Variants in SNCAIP observed in about 807,000 individuals in gnomAD.
The protein encoded by SNCAIP is synphilin-1.
Under a neutral mutation model 86.7 loss-of-function variants are expected in SNCAIP, and 43 were observed. The ratio of observed to expected loss-of-function variants is 0.50; its 90% CI spans 0.39 to 0.64. The LOEUF (loss-of-function observed/expected upper bound fraction) is 0.64. SNCAIP is among the 30% of genes least tolerant of loss of function. The probability of loss-of-function intolerance (pLI) is 0.00; values close to 1 mark genes in which losing one functional copy is unlikely to be tolerated. For synonymous variants in SNCAIP, 417 were observed against 427.2 expected, an observed-to-expected ratio of 0.98 and a Z score of 0.29; for missense variants, 981 against 1,103.1, an observed-to-expected ratio of 0.89 and a Z score of 1.57.
chr5:122,351,373 C>G (rs767405791), intron 1 of SNCAIP, among the ~76,000 whole-genome samples: 1 of 151,546 alleles, frequency 6.6e-6, no homozygotes, highest in Non-Finnish European at 1.5e-5. Flanking sequence ...ACCATCTCTA[C>G]TAAAAATACA....
intron 1 of SNCAIP, among the ~76,000 whole-genome samples, chr5:122,383,233 T>A (rs543728324): frequency 6.6e-6 from 1 of 152,364 alleles, no homozygotes; most frequent in South Asian, 2.1e-4. Flanking sequence ...GTGCGGGATA[T>A]AATCTCGTGA....
intron 3 of SNCAIP, 143 bp from the exon 4 acceptor site, chr5:122,422,725 T>C: frequency 1.5e-6 from 1 of 651,984 alleles, no homozygotes; most frequent in Non-Finnish European, 2.7e-6. Context: ...ATTTTTTTTG[T>C]TCTATTGATG....
At chr5:122,329,014 G>T (rs1264359422) in intron 1 of SNCAIP, among the ~76,000 whole-genome samples, 1 of 152,060 alleles carries the variant, frequency 6.6e-6, no homozygotes, top group East Asian at 1.9e-4. Context: ...TTCCACAATT[G>T]TATGGTGATA....
At chr5:122,447,698 A>G (rs1043149540) in intron 8 of SNCAIP, among the ~76,000 whole-genome samples, 3 of 152,232 alleles carry the variant, frequency 2.0e-5, no homozygotes, top group Non-Finnish European at 4.4e-5. Context: ...TTAGACCAGA[A>G]TCAGCAAATT....
chr5:122,457,937 T>A (rs978791718), intron 10 of SNCAIP, among the ~76,000 whole-genome samples: 4 of 152,174 alleles, frequency 2.6e-5, no homozygotes, highest in African/African-American at 9.7e-5. Context: ...GAAGCCAGAA[T>A]GATCACATCT....
chr5:122,449,015 C>CAA (rs1218805948), intron 8 of SNCAIP, among the ~76,000 whole-genome samples: 4 of 140,528 alleles, frequency 2.8e-5, no homozygotes, highest in Non-Finnish European at 6.2e-5. Context: ...GACTCCGACT[C>CAA]AAAAAAAAAA....
chr5:122,382,236 C>T (rs1209703559), intron 1 of SNCAIP, among the ~76,000 whole-genome samples: 1 of 152,072 alleles, frequency 6.6e-6, no homozygotes, highest in Non-Finnish European at 1.5e-5. Context: ...AGGCTTTGCT[C>T]ATTTCTTTTT....
intron 2 of SNCAIP, among the ~76,000 whole-genome samples, chr5:122,394,152 G>C (rs1461496214): frequency 6.6e-6 from 1 of 151,678 alleles, no homozygotes; most frequent in African/African-American, 2.4e-5. Context: ...TCCTGGTTAA[G>C]TGGCAGGAGG....
chr5:122,448,557 T>TTA (rs774376648), intron 8 of SNCAIP, among the ~76,000 whole-genome samples: 17 of 144,394 alleles, frequency 1.2e-4, no homozygotes, highest in East Asian at 7.9e-4. Flanking sequence ...TCCATATTTT[T>TTA]TATATATATA....
In SNCAIP at chr5:122,368,975, G is replaced by A. The variant is rs114175096; in HGVS notation, c.-46-22114G>A. ...AAAATGCACATATCAGTTTGCTCCCGGCCAGCGAACTAATCAGTTCCAAGC... is the reference window on the plus strand; with the variant it reads ...AAAATGCACATATCAGTTTGCTCCCAGCCAGCGAACTAATCAGTTCCAAGC... On this transcript the variant is annotated intron_variant, in intron 1 of 10. Transcript: ENST00000261368. Among the ~76,000 whole-genome samples, 1,351 of 152,116 alleles carry A rather than the reference G, an allele frequency of 8.9e-3. 20 individuals carry two copies. Among genetic ancestry groups the A allele is most frequent in the African/African-American group, 0.031 (1,276 of 41,514 alleles).
chr5:122,394,419 C>T (rs1041134463), intron 2 of SNCAIP, among the ~76,000 whole-genome samples: 2 of 152,164 alleles, frequency 1.3e-5, no homozygotes, highest in Non-Finnish European at 2.9e-5. Flanking sequence ...TTTGAAGTTT[C>T]CCAGACTAGA....
chr5:122,425,946 C>T (rs1035731298), intron 5 of SNCAIP, among the ~76,000 whole-genome samples: 18 of 152,164 alleles, frequency 1.2e-4, no homozygotes, highest in East Asian at 7.7e-4. Flanking sequence ...GGGCGCTTAA[C>T]GGATCACATC....
At chr5:122,458,632 G>A (rs1785374433) in intron 10 of SNCAIP, among the ~76,000 whole-genome samples, 1 of 152,146 alleles carries the variant, frequency 6.6e-6, no homozygotes, top group Non-Finnish European at 1.5e-5. Flanking sequence ...GGTGCTCTTC[G>A]TTCCCACGCT....
chr5:122,444,911 T>A, intron 8 of SNCAIP, 179 bp downstream of exon 8: 1 of 668,750 alleles, frequency 1.5e-6, no homozygotes, highest in East Asian at 2.8e-5. Flanking sequence ...GAAGATGCCA[T>A]CTCTGCAGAG....
chr5:122,311,932 G>C (rs1437293597), upstream of SNCAIP: 1 of 150,648 alleles, frequency 6.6e-6, no homozygotes, highest in Admixed American at 6.6e-5. Flanking sequence ...GCTGGCCTGG[G>C]GGCGGCCGCA....
At chr5:122,324,628 A>G (rs1753649126) in intron 1 of SNCAIP, among the ~76,000 whole-genome samples, 1 of 152,218 alleles carries the variant, frequency 6.6e-6, no homozygotes, top group Non-Finnish European at 1.5e-5. Flanking sequence ...CACAAAAGAT[A>G]TCTTGTTACC....
chr5:122,378,091 T>C (rs1765766837), intron 1 of SNCAIP, among the ~76,000 whole-genome samples: 1 of 147,482 alleles, frequency 6.8e-6, no homozygotes, highest in African/African-American at 2.5e-5. Flanking sequence ...TATTTCTAGT[T>C]CTAGATCCCT....
chr5:122,434,816 AT>A (rs1253938247), intron 6 of SNCAIP, among the ~76,000 whole-genome samples: 3 of 152,140 alleles, frequency 2.0e-5, no homozygotes, highest in African/African-American at 7.2e-5. Flanking sequence ...GAAGACTGTT[AT>A]TGAACGGTTT....
In SNCAIP at chr5:122,361,315, G is replaced by A. The variant is rs182704761; in HGVS notation, c.-46-29774G>A. ...TGATATCTTTCTGAAGTTATTTACT[G>A]CTCCAAATTTTCTAGTGGCCTGGTG... On this transcript the variant is annotated intron_variant, in intron 1 of 10. Coordinates refer to ENST00000261368, the MANE Select transcript of SNCAIP (RefSeq NM_005460.4). Among the ~76,000 whole-genome samples the A allele has an allele frequency of 1.2e-4, 18 of 151,946 alleles. No homozygotes were observed. In the East Asian group the frequency reaches 3.5e-3, roughly 29 times the overall value.
Sources: allele counts gnomAD v4.1 joint callset (sites outside exome capture counted in the v4.1 genomes callset), GRCh38; gene constraint gnomAD v4.1.1; transcripts MANE v1.5; gene names NCBI Gene and HGNC (gene_info 2026-07-23, HGNC 2026-07-21).